RABGAP1L: variants seen among roughly 807,000 people sequenced by gnomAD.
RABGAP1L encodes rab GTPase-activating protein 1-like.
A neutral mutation model predicts 137.7 loss-of-function variants in RABGAP1L; 63 were observed. The observed-to-expected ratio is 0.46, with a 90% confidence interval of 0.37 to 0.56. The LOEUF is 0.56. Ranked by LOEUF, RABGAP1L falls within the 20% of genes least tolerant of loss-of-function variation. The probability of loss-of-function intolerance (pLI) is 0.00; values close to 1 mark genes in which losing one functional copy is unlikely to be tolerated. For synonymous variants in RABGAP1L, 431 were observed against 433.7 expected (o/e 0.99, Z 0.08); for missense variants, 1,095 against 1,244.0 (o/e 0.88, Z 1.80).
chr1:174,197,499 T>G (rs1165469760), intron 1 of RABGAP1L, among the ~76,000 whole-genome samples: 1 of 152,194 alleles, frequency 6.6e-6, no homozygotes. Flanking sequence ...AGAATTTGTT[T>G]CCTTAATTTT....
intron 13 of RABGAP1L, among the ~76,000 whole-genome samples, chr1:174,424,010 AAG>A (rs1651663636): frequency 6.6e-6 from 1 of 152,154 alleles, no homozygotes; most frequent in African/African-American, 2.4e-5. Context: ...CACAGTTTAT[AAG>A]AGTGGTATAA....
At chr1:174,259,419 C>G (rs137964771) in intron 7 of RABGAP1L, among the ~76,000 whole-genome samples, 2 of 152,312 alleles carry the variant, frequency 1.3e-5, no homozygotes, top group East Asian at 3.9e-4. Context: ...AGTTACATAA[C>G]TTGACCAAGG....
At chr1:174,931,990 GTTTTTTTTTTTTT>G (rs532860564) in intron 19 of RABGAP1L, among the ~76,000 whole-genome samples, 1 of 69,648 alleles carries the variant, frequency 1.4e-5, no homozygotes, top group East Asian at 4.8e-4. Context: ...TGCTTTTTTG[GTTTTTTTTTTTTT>G]TTTTTTTTTT....
chr1:174,363,620 GT>G (rs1435213117), intron 11 of RABGAP1L, among the ~76,000 whole-genome samples: 1 of 152,050 alleles, frequency 6.6e-6, no homozygotes. Context: ...TCCTTGTTTT[GT>G]TCTAGATCTT....
intron 19 of RABGAP1L, among the ~76,000 whole-genome samples, chr1:174,925,978 C>G (rs1344918937): frequency 6.7e-6 from 1 of 148,342 alleles, no homozygotes; most frequent in African/African-American, 2.5e-5. Context: ...ATTCTCATGC[C>G]TCAGCCTCCC....
At chr1:174,227,800 G>T (rs764953582) in intron 3 of RABGAP1L, among the ~76,000 whole-genome samples, 1 of 149,380 alleles carries the variant, frequency 6.7e-6, no homozygotes, top group African/African-American at 2.5e-5. Context: ...TTATGCTTCT[G>T]CTCTCATTCA....
intron 19 of RABGAP1L, among the ~76,000 whole-genome samples, chr1:174,940,428 A>G (rs1182848089): frequency 6.6e-6 from 1 of 151,718 alleles, no homozygotes; most frequent in East Asian, 1.9e-4. Flanking sequence ...ACCACTGACC[A>G]TGCCTGGCTA....
chr1:174,354,740 C>G (rs2148942447), intron 11 of RABGAP1L, among the ~76,000 whole-genome samples: 1 of 152,214 alleles, frequency 6.6e-6, no homozygotes, highest in South Asian at 2.1e-4. Flanking sequence ...TTGCCCATGC[C>G]TATGTCCTGA....
chr1:174,589,046 C>A (rs1442540018), intron 13 of RABGAP1L, among the ~76,000 whole-genome samples: 1 of 152,140 alleles, frequency 6.6e-6, no homozygotes, highest in Non-Finnish European at 1.5e-5. Flanking sequence ...ATAGTGGTTG[C>A]ACTAATTTAC....
intron 10 of RABGAP1L, among the ~76,000 whole-genome samples, chr1:174,293,128 A>C (rs1176322677): frequency 6.6e-6 from 1 of 152,242 alleles, no homozygotes; most frequent in East Asian, 1.9e-4. Context: ...TTTTTCCTGA[A>C]AACTTTTTTT....
intron 13 of RABGAP1L, among the ~76,000 whole-genome samples, chr1:174,498,425 G>A (rs1365356222): frequency 1.3e-5 from 2 of 152,022 alleles, no homozygotes; most frequent in African/African-American, 4.8e-5. Context: ...TGAAAAACCA[G>A]GTCTATTGAA....
At chr1:174,934,570 T>C (rs1247038338) in intron 19 of RABGAP1L, among the ~76,000 whole-genome samples, 1 of 152,008 alleles carries the variant, frequency 6.6e-6, no homozygotes, top group East Asian at 1.9e-4. Context: ...GTGGATCAGT[T>C]GCTTGAGCCC....
rs925569897 is a variant in RABGAP1L, at chr1:174,284,361, C to CT, written c.1323+5589dup. On this transcript the variant is annotated intron_variant, in intron 10 of 25. Coordinates refer to ENST00000681986, the MANE Select transcript of RABGAP1L (RefSeq NM_001366446.1). ...TACAGTATTTGTCTTTCTAGTCTAGCTTTTTTTACTTAGCATAATGCTCTC... is the reference window on the plus strand; with the variant it reads ...TACAGTATTTGTCTTTCTAGTCTAGCTTTTTTTTACTTAGCATAATGCTCTC... Among the ~76,000 whole-genome samples the CT allele has an allele frequency of 6.6e-5, 10 of 152,226 alleles. No homozygotes were observed. In the East Asian group the frequency reaches 1.3e-3, roughly 21 times the overall value.
At chr1:174,981,962 A>C (rs1671172135) in intron 23 of RABGAP1L, among the ~76,000 whole-genome samples, 1 of 152,190 alleles carries the variant, frequency 6.6e-6, no homozygotes, top group East Asian at 1.9e-4. Context: ...TAGAAAGATT[A>C]ATGACTTTGC....
intron 19 of RABGAP1L, among the ~76,000 whole-genome samples, chr1:174,895,461 A>G (rs948269009): frequency 6.6e-5 from 9 of 137,166 alleles, no homozygotes; most frequent in Non-Finnish European, 1.4e-4. Flanking sequence ...TTATTATTAT[A>G]CTTTAAGTTC....
At chr1:174,739,144 G>C (rs1198849987) in intron 17 of RABGAP1L, among the ~76,000 whole-genome samples, 1 of 152,068 alleles carries the variant, frequency 6.6e-6, no homozygotes, top group Non-Finnish European at 1.5e-5. Context: ...CCATTAGATA[G>C]GTACCTTTCT....
At chr1:174,866,003 T>C (rs1651138204) in intron 19 of RABGAP1L, among the ~76,000 whole-genome samples, 2 of 152,014 alleles carry the variant, frequency 1.3e-5, no homozygotes, top group Non-Finnish European at 2.9e-5. Context: ...TAGTAAGTTA[T>C]CTGATACAAA....
intron 13 of RABGAP1L, among the ~76,000 whole-genome samples, chr1:174,487,469 G>A (rs575449748): frequency 6.6e-6 from 1 of 152,138 alleles, no homozygotes; most frequent in South Asian, 2.1e-4. Context: ...TTTCCATTGG[G>A]ATGGAATATC....
chr1:174,501,316 C>T (rs1311880589), intron 13 of RABGAP1L, among the ~76,000 whole-genome samples: 4 of 151,378 alleles, frequency 2.6e-5, no homozygotes, highest in African/African-American at 7.3e-5. Context: ...CGGGTTCAAG[C>T]GATTCTGCTG....
Sources: gnomAD v4.1 joint callset for allele counts (sites outside exome capture counted in the v4.1 genomes callset) on GRCh38, gnomAD v4.1.1 for gene constraint, MANE v1.5 for transcripts, NCBI Gene and HGNC (gene_info 2026-07-23, HGNC 2026-07-21) for gene names.